Variants in RTKN2 observed in about 807,000 individuals in gnomAD.
RTKN2 encodes rhotekin 2.
Under a neutral mutation model 71.5 loss-of-function variants are expected in RTKN2, and 69 were observed. That is an observed-to-expected ratio of 0.96 (90% CI 0.79 to 1.18). The LOEUF (loss-of-function observed/expected upper bound fraction) is 1.18, where lower values mean the gene tolerates loss of function less well. Ranked by LOEUF, RTKN2 falls within the 50% of genes most tolerant of loss-of-function variation. The pLI is 0.00. For missense variants in RTKN2, 724 were observed against 719.7 expected, an observed-to-expected ratio of 1.01 and a Z score of -0.07; for synonymous variants, 236 against 236.5, an observed-to-expected ratio of 1.00 and a Z score of 0.02.
intron 7 of RTKN2, among the ~76,000 whole-genome samples, chr10:62,221,321 C>G (rs1307219350): frequency 6.6e-6 from 1 of 151,762 alleles, no homozygotes; most frequent in African/African-American, 2.4e-5. Context: ...GGATGTATAA[C>G]CTTAATTCAA....
At chr10:62,185,669 G>A (rs1177167442) in intron 8 of RTKN2, among the ~76,000 whole-genome samples, 4 of 152,148 alleles carry the variant, frequency 2.6e-5, no homozygotes, top group Non-Finnish European at 5.9e-5. Flanking sequence ...TCAAATCATG[G>A]TGAGACATCA....
At chr10:62,214,130 AAT>A (rs966888021) in intron 9 of RTKN2, among the ~76,000 whole-genome samples, 5 of 151,876 alleles carry the variant, frequency 3.3e-5, no homozygotes, top group African/African-American at 1.2e-4. Context: ...AGGAAAACAG[AAT>A]ACTTTGTCAC....
rs559574816 is a variant in RTKN2 at position 62,228,413 on chromosome 10, T to A, written c.687-5081A>T. Among the ~76,000 whole-genome samples, 3 of 152,300 alleles carry A rather than the reference T, an allele frequency of 2.0e-5. No individual in the cohort carries two copies. In the South Asian group the frequency reaches 6.2e-4, roughly 32 times the overall value. On this transcript the variant is annotated intron_variant, in intron 6 of 11. Coordinates refer to ENST00000373789, the MANE Select transcript of RTKN2 (RefSeq NM_145307.4). The stretch of plus-strand genomic sequence containing the variant: ...TAACTGACAATCAAATGTGGCAACA[T>A]TAGATCACTGTTGACCTTGACGAGA...
chr10:62,224,555 G>T (rs1244250868), intron 6 of RTKN2, among the ~76,000 whole-genome samples: 1 of 151,844 alleles, frequency 6.6e-6, no homozygotes, highest in African/African-American at 2.4e-5. Context: ...TGGTAAACAA[G>T]ATCCAGCATT....
At chr10:62,263,485 T>A (rs568283246) in intron 1 of RTKN2, among the ~76,000 whole-genome samples, 1 of 152,334 alleles carries the variant, frequency 6.6e-6, no homozygotes, top group South Asian at 2.1e-4. Flanking sequence ...GTCTTGGTCA[T>A]TTGTTATAGC....
At chr10:62,257,641 T>C (rs1589384700) in intron 2 of RTKN2, among the ~76,000 whole-genome samples, 1 of 152,046 alleles carries the variant, frequency 6.6e-6, no homozygotes, top group Non-Finnish European at 1.5e-5. Flanking sequence ...GTGCAAGGAG[T>C]TTGGGATCAG....
chr10:62,227,482 C>G (rs1162198395), intron 6 of RTKN2, among the ~76,000 whole-genome samples: 1 of 152,048 alleles, frequency 6.6e-6, no homozygotes, highest in African/African-American at 2.4e-5. Flanking sequence ...GTTTGACAAA[C>G]AAGGAGGTCA....
chr10:62,231,286 T>C (rs1412579074), intron 6 of RTKN2, among the ~76,000 whole-genome samples: 2 of 152,258 alleles, frequency 1.3e-5, no homozygotes, highest in African/African-American at 2.4e-5. Context: ...TCAAGGAACA[T>C]AAAATAGTTA....
At chr10:62,267,820 CAG>C (rs1485845639) in intron 1 of RTKN2, among the ~76,000 whole-genome samples, 6 of 152,200 alleles carry the variant, frequency 3.9e-5, no homozygotes, top group African/African-American at 1.4e-4. Context: ...TTAAAGACAT[CAG>C]AGTTTTCTTT....
intron 2 of RTKN2, among the ~76,000 whole-genome samples, chr10:62,249,144 T>C (rs1842530770): frequency 6.6e-6 from 1 of 152,178 alleles, no homozygotes. Flanking sequence ...ACGTTTTCTT[T>C]TTTGAGATAC....
At chr10:62,229,852 A>G (rs766875530) in intron 6 of RTKN2, among the ~76,000 whole-genome samples, 1 of 152,180 alleles carries the variant, frequency 6.6e-6, no homozygotes, top group Non-Finnish European at 1.5e-5. Flanking sequence ...TAAGATATTT[A>G]CCTCTATTTC....
chr10:62,200,324 C>T (rs2132806409), intron 10 of RTKN2, among the ~76,000 whole-genome samples: 1 of 127,896 alleles, frequency 7.8e-6, no homozygotes, highest in African/African-American at 2.9e-5. Context: ...GATTGCACCA[C>T]TGCACTCCAG....
intron 6 of RTKN2, among the ~76,000 whole-genome samples, chr10:62,231,302 G>T (rs1238210845): frequency 6.6e-6 from 1 of 152,110 alleles, no homozygotes; most frequent in Non-Finnish European, 1.5e-5. Context: ...AGTTAATTCA[G>T]CTATTAGATG....
chr10:62,259,531 T>A (rs1345933652), intron 2 of RTKN2, among the ~76,000 whole-genome samples: 1 of 152,206 alleles, frequency 6.6e-6, no homozygotes, highest in Admixed American at 6.5e-5. Context: ...AATTCATATT[T>A]ATTTTTCAAA....
Position 62,198,113 on chromosome 10 carries a change from T to C in RTKN2, c.1625A>G (p.Asp542Gly). 1.2e-6 allele frequency: 2 copies of C among 1,614,168 alleles called. No homozygotes were observed. The highest frequency in any genetic ancestry group is 2.7e-5 in the African/African-American group (2 of 75,058). ...KTSVSQTSSL[D>G]TKLSTLMHHL... ...ATGCATTAGAGTTGATAGTTTGGTATCCAAAGACGATGTCTGAGATACACT... is the reference window on the plus strand; with the variant it reads ...ATGCATTAGAGTTGATAGTTTGGTACCCAAAGACGATGTCTGAGATACACT... Residue 542 changes from aspartate to glycine, a missense_variant, in exon 12 of 12, where the codon GAT (aspartate) becomes GGT (glycine). Coordinates refer to ENST00000373789, the MANE Select transcript of RTKN2 (RefSeq NM_145307.4).
In RTKN2 at chr10:62,194,021, G is replaced by A; in HGVS notation, c.*3887C>T. The A allele has an allele frequency of 1.0e-6, 1 of 984,316 alleles. No homozygotes were observed. Among genetic ancestry groups the A allele is most frequent in the Non-Finnish European group, 1.2e-6 (1 of 829,048 alleles). The allele number at this position is 984,316 out of a possible 1,614,324, so 61.0% of individuals were successfully genotyped here. ...GTCTTCATGAATCAGTTCTTTTAAT[G>A]TACAGAAGTTTCAATTACATGACTT... On this transcript the variant is annotated 3_prime_UTR_variant, in exon 12 of 12. Coordinates refer to ENST00000373789, the MANE Select transcript of RTKN2 (RefSeq NM_145307.4).
At chr10:62,211,956 A>G (rs1048905913) in intron 9 of RTKN2, among the ~76,000 whole-genome samples, 2 of 152,066 alleles carry the variant, frequency 1.3e-5, no homozygotes, top group African/African-American at 4.8e-5. Context: ...GAGCTACCGC[A>G]CCCAGCCGAG....
intron 2 of RTKN2, among the ~76,000 whole-genome samples, chr10:62,249,650 TC>T (rs755686497): frequency 6.6e-6 from 1 of 152,336 alleles, no homozygotes; most frequent in East Asian, 1.9e-4. Flanking sequence ...TGGATTTTAC[TC>T]ATTATTAACT....
chr10:62,259,970 A>G (rs1178123124), intron 2 of RTKN2, among the ~76,000 whole-genome samples: 1 of 152,166 alleles, frequency 6.6e-6, no homozygotes, highest in Non-Finnish European at 1.5e-5. Context: ...CGTCAATTCC[A>G]CCATTTCACA....
Sources: allele counts gnomAD v4.1 joint callset (sites outside exome capture counted in the v4.1 genomes callset), GRCh38; gene constraint gnomAD v4.1.1; transcripts MANE v1.5; gene names NCBI Gene and HGNC (gene_info 2026-07-23, HGNC 2026-07-21).